C7: variants seen among roughly 807,000 people sequenced by gnomAD.
The protein encoded by C7 is complement C7.
C7 carries 83 observed loss-of-function variants against 104.8 expected under a neutral mutation model. The observed-to-expected ratio is 0.79, with a 90% CI of 0.66 to 0.95. The LOEUF is 0.95. Ranked by LOEUF, C7 falls within the 40% of genes least tolerant of loss-of-function variation. The probability of loss-of-function intolerance (pLI) is 0.00; values close to 1 mark genes in which losing one functional copy is unlikely to be tolerated. For synonymous variants in C7, 415 were observed against 360.6 expected (o/e 1.15, Z -1.71); for missense variants, 1,070 against 1,011.2 (o/e 1.06, Z -0.79).
Position 40,955,243 on chromosome 5 carries a change from C to T in C7, c.1094-144C>T, listed in dbSNP as rs1005529141. On this transcript the variant is annotated intron_variant, in intron 9 of 17. Coordinates refer to ENST00000313164, the MANE Select transcript of C7 (RefSeq NM_000587.4). ...GCCCTAAATATCCTTTGTGCTCTGC[C>T]TATTCATCCCTCCCTTCTTTCTGAC... 4.4e-6 allele frequency: 3 copies of T among 674,472 alleles called. No individual in the cohort carries two copies. In the African/African-American group the frequency reaches 5.4e-5, roughly 12 times the overall value. The allele number at this position is 674,472 out of a possible 1,614,324, so 41.8% of individuals were successfully genotyped here.
intron 13 of C7, among the ~76,000 whole-genome samples, chr5:40,964,155 G>T (rs1234432857): frequency 7.0e-6 from 1 of 143,270 alleles, no homozygotes; most frequent in African/African-American, 2.5e-5. Context: ...TGATTCTCAT[G>T]TCTCAGCCTC....
At chr5:40,929,434 G>C (rs1388605680) in intron 2 of C7, among the ~76,000 whole-genome samples, 1 of 152,106 alleles carries the variant, frequency 6.6e-6, no homozygotes, top group Non-Finnish European at 1.5e-5. Flanking sequence ...TAGGTATTTT[G>C]ATCATTGGTA....
At chr5:40,981,287 G>A in intron 17 of C7, 105 bp from the exon 18 acceptor site, 1 of 1,076,606 alleles carries the variant, frequency 9.3e-7, no homozygotes, top group Non-Finnish European at 1.4e-6. Context: ...TTCCAGGCAG[G>A]AGCTTCTACA....
At chr5:40,925,899 A>G (rs927330702) in intron 1 of C7, among the ~76,000 whole-genome samples, 2 of 152,218 alleles carry the variant, frequency 1.3e-5, no homozygotes, top group Non-Finnish European at 1.5e-5. Flanking sequence ...ATACTTTCAA[A>G]TTCTTTTTAC....
Position 40,959,440 on chromosome 5 carries a change from A to T in C7, c.1490-9A>T, listed in dbSNP as rs750979139. The stretch of plus-strand genomic sequence containing the variant: ...GAACTTATTGATCAACCTCTTTCTC[A>T]TCTTGTAGGAGGGGTTGATGGAGGT... On this transcript the variant is annotated splice_polypyrimidine_tract_variant and intron_variant, in intron 11 of 17. Transcript: ENST00000313164. 49 of 1,606,972 alleles carry T rather than the reference A, an allele frequency of 3.0e-5. No homozygotes were observed. Among genetic ancestry groups the T allele is most frequent in the Non-Finnish European group, 3.8e-5 (45 of 1,177,340 alleles).
At chr5:40,935,018 T>C (rs1160765990) in intron 4 of C7, among the ~76,000 whole-genome samples, 2 of 152,224 alleles carry the variant, frequency 1.3e-5, no homozygotes, top group African/African-American at 4.8e-5. Flanking sequence ...TGGTGAGAGT[T>C]GTATATACAA....
At chr5:40,938,423 G>C (rs1199101954) in intron 6 of C7, among the ~76,000 whole-genome samples, 1 of 151,910 alleles carries the variant, frequency 6.6e-6, no homozygotes, top group Non-Finnish European at 1.5e-5. Context: ...TACTCATGCT[G>C]TTGCAGGTGG....
At chr5:40,953,048 G>T (rs1740207885) in intron 9 of C7, among the ~76,000 whole-genome samples, 1 of 152,090 alleles carries the variant, frequency 6.6e-6, no homozygotes, top group African/African-American at 2.4e-5. Context: ...GAAATCTGCA[G>T]TTCCCTCAGA....
rs1264407829 is a variant in C7 at position 40,937,598 on chromosome 5, A to T, written c.475A>T (p.Lys159Ter). Residue 159 changes from lysine to a stop codon, truncating the protein, a stop_gained, in exon 6 of 18, where the codon AAA (lysine) becomes TAA (stop). Transcript: ENST00000313164. LOFTEE classifies it high-confidence loss of function. The stretch of plus-strand genomic sequence containing the variant: ...GTTTAGGAACAGAGTCATCAATACC[A>T]AAAGTTTTGGTGGTCAATGTAGAAA... Reference protein sequence around the residue: ...GQFRNRVINTKSFGGQCRKVF... With the variant: ...GQFRNRVINT 1.9e-6 allele frequency: 3 copies of T among 1,612,744 alleles called. No individual in the cohort carries two copies. Among genetic ancestry groups the T allele is most frequent in the Non-Finnish European group, 2.5e-6 (3 of 1,179,156 alleles).
chr5:40,963,430 A>G lies in C7; in HGVS notation c.1749+1258A>G, dbSNP rs533763165. Among the ~76,000 whole-genome samples, 7 of 152,308 alleles carry G rather than the reference A, an allele frequency of 4.6e-5. No homozygotes were observed. In the South Asian group the frequency reaches 1.5e-3, roughly 32 times the overall value. ...TTTGCAAGGTGGAGGAAGGAATAGG[A>G]TCATGAGTCGAAACAGAACATGTGC... On this transcript the variant is annotated intron_variant, in intron 13 of 17. Coordinates refer to ENST00000313164, the MANE Select transcript of C7 (RefSeq NM_000587.4).
At chr5:40,965,903 AG>A (rs1204951211) in intron 14 of C7, among the ~76,000 whole-genome samples, 1 of 151,846 alleles carries the variant, frequency 6.6e-6, no homozygotes, top group African/African-American at 2.4e-5. Context: ...TTGGCCTCTT[AG>A]GGTGCTAGGA....
At chr5:40,980,947 T>C (rs775906389) in intron 17 of C7, among the ~76,000 whole-genome samples, 7 of 152,220 alleles carry the variant, frequency 4.6e-5, no homozygotes, top group Non-Finnish European at 1.0e-4. Flanking sequence ...TTAACTCATT[T>C]CTGGTTTGTT....
At chr5:40,925,324 T>G (rs1296138749) in intron 1 of C7, among the ~76,000 whole-genome samples, 2 of 152,172 alleles carry the variant, frequency 1.3e-5, no homozygotes, top group Non-Finnish European at 2.9e-5. Context: ...CCAAGTTCTT[T>G]GCTAAGACAA....
chr5:40,918,705 A>G (rs1007978985), intron 1 of C7, among the ~76,000 whole-genome samples: 1 of 151,660 alleles, frequency 6.6e-6, no homozygotes, highest in Non-Finnish European at 1.5e-5. Context: ...AAAAGTAAGG[A>G]CATTATATGA....
rs140587978 is a variant in C7 at position 40,935,610 on chromosome 5, T to C, written c.281-728T>C. On this transcript the variant is annotated intron_variant, in intron 4 of 17. Transcript: ENST00000313164. The stretch of plus-strand genomic sequence containing the variant: ...AGAGAACTAACCAAGCGCAAGATCA[T>C]TGGAGATGACAGAAAGCTTGGCCTT... Among the ~76,000 whole-genome samples, 1,294 of 152,226 alleles carry C rather than the reference T, an allele frequency of 8.5e-3. 14 individuals carry two copies. Among genetic ancestry groups the C allele is most frequent in the African/African-American group, 0.028 (1,148 of 41,550 alleles).
rs1740507943 is a variant in C7 at position 40,964,774 on chromosome 5, G to A, written c.1783G>A (p.Val595Ile). The A allele has an allele frequency of 6.2e-7, 1 of 1,612,970 alleles. No homozygotes were observed. The highest frequency in any genetic ancestry group is 1.3e-5 in the African/African-American group (1 of 75,018). Residue 595 changes from valine to isoleucine, a missense_variant, in exon 14 of 18, where the codon GTA (valine) becomes ATA (isoleucine). Val to Ile is a conservative substitution (Grantham distance 29). Transcript: ENST00000313164. Reference protein sequence around the residue: ...EGTMFPVGKNVVYTCNEGYSL... With the variant: ...EGTMFPVGKNIVYTCNEGYSL... ...TACAATGTTTCCTGTGGGGAAAAAT[G>A]TAGTGTACACTTGCAATGAAGGATA...
At chr5:40,959,391 A>G (rs1264178600) in intron 11 of C7, 58 bp from the exon 12 acceptor site, 6 of 1,485,164 alleles carry the variant, frequency 4.0e-6, no homozygotes, top group African/African-American at 1.4e-5. Flanking sequence ...GAAGCATAGC[A>G]CTAAGTTCCC....
At chr5:40,919,253 C>A (rs1280119893) in intron 1 of C7, among the ~76,000 whole-genome samples, 1 of 151,844 alleles carries the variant, frequency 6.6e-6, no homozygotes, top group East Asian at 1.9e-4. Context: ...CCCTTCCGAG[C>A]AGCTGGGACT....
In C7 at chr5:40,983,468, G is replaced by A. The variant is rs1740994403; in HGVS notation, c.*1895G>A. ...TAAGAGGTTTGAGAAAGGAATTTCA[G>A]CAGAGTTATTGAAGGAGAAGTCAAG... On this transcript the variant is annotated 3_prime_UTR_variant, in exon 18 of 18. Transcript: ENST00000313164. 1.3e-5 allele frequency among the ~76,000 whole-genome samples: 2 copies of A among 152,140 alleles called. No homozygotes were observed. The highest frequency in any genetic ancestry group is 2.9e-5 in the Non-Finnish European group (2 of 68,030).
Sources: gnomAD v4.1 joint callset for allele counts (sites outside exome capture counted in the v4.1 genomes callset) on GRCh38, gnomAD v4.1.1 for gene constraint, MANE v1.5 for transcripts, NCBI Gene and HGNC (gene_info 2026-07-23, HGNC 2026-07-21) for gene names.